The following RBFOX1 variants were observed in gnomAD, a reference collection of about 807,000 sequenced individuals.
RBFOX1 encodes the protein RNA binding fox-1 homolog 1.
Under a neutral mutation model 57.7 loss-of-function variants are expected in RBFOX1, and 8 were observed. The observed-to-expected ratio is 0.14, with a 90% confidence interval of 0.08 to 0.25. The LOEUF (loss-of-function observed/expected upper bound fraction) is 0.25. RBFOX1 is among the 10% of genes least tolerant of loss of function. The pLI, the probability that RBFOX1 is intolerant of heterozygous loss-of-function variation, is 1.00. For synonymous variants in RBFOX1, 326 were observed against 222.4 expected, an observed-to-expected ratio of 1.47 and a Z score of -4.15; for missense variants, 611 against 548.5, an observed-to-expected ratio of 1.11 and a Z score of -1.14.
intron 1 of RBFOX1, among the ~76,000 whole-genome samples, chr16:6,190,493 C>T (rs946441587): frequency 6.6e-6 from 1 of 152,104 alleles, no homozygotes; most frequent in Non-Finnish European, 1.5e-5. Context: ...TTGATTATTT[C>T]AGAAAATTAG....
chr16:7,452,460 G>T (rs1347320868), intron 4 of RBFOX1, among the ~76,000 whole-genome samples: 2 of 152,168 alleles, frequency 1.3e-5, no homozygotes, highest in Non-Finnish European at 2.9e-5. Flanking sequence ...GCATTGGGTT[G>T]CAAATGCTTG....
At chr16:5,588,408 G>A (rs1237625759) in intron 2 of RBFOX1, among the ~76,000 whole-genome samples, 1 of 151,996 alleles carries the variant, frequency 6.6e-6, no homozygotes, top group East Asian at 1.9e-4. Flanking sequence ...CAGAGGCCGA[G>A]TCCCCTTCCT....
intron 4 of RBFOX1, among the ~76,000 whole-genome samples, chr16:7,057,649 C>A (rs1279168898): frequency 6.6e-6 from 1 of 152,074 alleles, no homozygotes; most frequent in Non-Finnish European, 1.5e-5. Context: ...ACACAGTTGC[C>A]CAGGGCCAAC....
chr16:7,409,697 C>A (rs1356757323), intron 4 of RBFOX1, among the ~76,000 whole-genome samples: 1 of 152,192 alleles, frequency 6.6e-6, no homozygotes, highest in African/African-American at 2.4e-5. Flanking sequence ...TCCCTTAACC[C>A]CATCACCACC....
At chr16:5,386,434 T>G (rs985045499) in intron 1 of RBFOX1, among the ~76,000 whole-genome samples, 2 of 152,134 alleles carry the variant, frequency 1.3e-5, no homozygotes, top group African/African-American at 4.8e-5. Context: ...GCAAGAGGGC[T>G]GTTCCTAGTG....
intron 3 of RBFOX1, among the ~76,000 whole-genome samples, chr16:6,821,999 C>T (rs1201038249): frequency 6.6e-6 from 1 of 152,138 alleles, no homozygotes; most frequent in Non-Finnish European, 1.5e-5. Flanking sequence ...CGCTGACATA[C>T]CTTCTACATG....
In RBFOX1 at chr16:7,011,359, C is replaced by G. The variant is rs371137738; in HGVS notation, c.-15-40698C>G. Among the ~76,000 whole-genome samples, 28 of 152,266 alleles carry G rather than the reference C, an allele frequency of 1.8e-4. No homozygotes were observed. In the East Asian group the frequency reaches 2.3e-3, roughly 13 times the overall value. The stretch of plus-strand genomic sequence containing the variant: ...GAAAGCTTAAGCAATTTGCCAAGGT[C>G]TTAAAGAGTGCAAGTGTGGCAGATG... On this transcript the variant is annotated intron_variant, in intron 3 of 15. Transcript: ENST00000550418.
chr16:7,585,560 T>A (rs2094063636), intron 6 of RBFOX1, among the ~76,000 whole-genome samples: 1 of 152,178 alleles, frequency 6.6e-6, no homozygotes, highest in African/African-American at 2.4e-5. Flanking sequence ...CGTCTGTGAT[T>A]CCCCCGGCTG....
chr16:7,015,691 G>A (rs1393139624), intron 3 of RBFOX1, among the ~76,000 whole-genome samples: 4 of 152,010 alleles, frequency 2.6e-5, no homozygotes, highest in Non-Finnish European at 5.9e-5. Context: ...TTTATGACTA[G>A]CGGTCTAGTT....
At chr16:5,594,937 G>A (rs11076944) in intron 2 of RBFOX1, among the ~76,000 whole-genome samples, 16,264 of 140,400 alleles carry the variant, frequency 0.12, 1,141 homozygotes, top group East Asian at 0.34. Context: ...TTGGAGACCA[G>A]CCTGGCCAAC....
chr16:7,466,869 C>T (rs536360223), intron 4 of RBFOX1, among the ~76,000 whole-genome samples: 2 of 152,128 alleles, frequency 1.3e-5, no homozygotes, highest in South Asian at 4.2e-4. Flanking sequence ...AGGAAGAGAC[C>T]AAAATGGTAG....
At chr16:7,555,217 C>G (rs1302084478) in intron 5 of RBFOX1, among the ~76,000 whole-genome samples, 1 of 152,168 alleles carries the variant, frequency 6.6e-6, no homozygotes, top group African/African-American at 2.4e-5. Context: ...AATCATTTCA[C>G]TTTTCTCCTT....
intron 3 of RBFOX1, among the ~76,000 whole-genome samples, chr16:6,716,306 C>G (rs1038696652): frequency 6.6e-6 from 1 of 152,286 alleles, no homozygotes; most frequent in South Asian, 2.1e-4. Context: ...AACTTCCGAT[C>G]CCTTCTGTGG....
intron 3 of RBFOX1, among the ~76,000 whole-genome samples, chr16:6,727,163 C>T (rs1298196267): frequency 6.6e-6 from 1 of 151,244 alleles, no homozygotes; most frequent in Non-Finnish European, 1.5e-5. Context: ...TCAAAAGTCG[C>T]AATTCCATAG....
intron 3 of RBFOX1, among the ~76,000 whole-genome samples, chr16:6,684,838 C>A (rs1037831839): frequency 3.3e-5 from 5 of 152,134 alleles, no homozygotes; most frequent in African/African-American, 1.2e-4. Context: ...CTAGTTGTTA[C>A]CTTTGTCTTT....
intron 1 of RBFOX1, among the ~76,000 whole-genome samples, chr16:5,287,935 T>G (rs2091533): frequency 6.6e-6 from 1 of 152,198 alleles, no homozygotes; most frequent in Non-Finnish European, 1.5e-5. Flanking sequence ...CCTCTAACCA[T>G]CAATGCAATT....
At chr16:5,579,029 G>A (rs1036316250) in intron 2 of RBFOX1, among the ~76,000 whole-genome samples, 3 of 151,928 alleles carry the variant, frequency 2.0e-5, no homozygotes, top group Admixed American at 1.3e-4. Context: ...TGTATTTTTA[G>A]TAGAGACAAG....
chr16:6,281,497 G>C lies in RBFOX1; in HGVS notation c.-126-35498G>C, dbSNP rs545212551. Among the ~76,000 whole-genome samples, 6 of 152,134 alleles carry C rather than the reference G, an allele frequency of 3.9e-5. No homozygotes were observed. The East Asian group carries it at 9.7e-4, about 25-fold the overall frequency. ...GTCATGGGAGAAAACAGCTTCCACC[G>C]AGGGTGTGGGCCCCAAAGTGCTTTG... On this transcript the variant is annotated intron_variant, in intron 1 of 15. Coordinates refer to ENST00000550418, the MANE Select transcript of RBFOX1 (RefSeq NM_018723.4).
At chr16:5,616,664 C>G (rs2048034884) in intron 3 of RBFOX1, among the ~76,000 whole-genome samples, 3 of 122,972 alleles carry the variant, frequency 2.4e-5, no homozygotes, top group African/African-American at 7.8e-5. Context: ...GCTTCCTCCC[C>G]CTCATCCTCC....
Sources: allele counts gnomAD v4.1 joint callset (sites outside exome capture counted in the v4.1 genomes callset), GRCh38; gene constraint gnomAD v4.1.1; transcripts MANE v1.5; gene names NCBI Gene and HGNC (gene_info 2026-07-23, HGNC 2026-07-21).